Variants in MX2 observed in about 807,000 individuals in gnomAD.
The protein encoded by MX2 is interferon-induced GTP-binding protein Mx2.
A neutral mutation model predicts 74.0 loss-of-function variants in MX2; 51 were observed. That is an observed-to-expected ratio of 0.69 (90% CI 0.55 to 0.87). The LOEUF is 0.87. Among genes scored for constraint, MX2 ranks in the 40% least tolerant of loss-of-function variants. MX2 has a pLI of 0.00. For missense variants in MX2, 832 were observed against 908.7 expected (o/e 0.92, Z 1.09); for synonymous variants, 369 against 339.3 (o/e 1.09, Z -0.96).
chr21:41,377,797 G>A lies in MX2; in HGVS notation c.258G>A (p.Glu86=), dbSNP rs747626922. 4 of 1,609,852 alleles carry A rather than the reference G, an allele frequency of 2.5e-6. No homozygotes were observed. The African/African-American group carries it at 4.0e-5, about 16-fold the overall frequency. ...NRSQPRAMGP[E]NNLYSQYEQK... ...TGTTCTGCCTTCTCCAGGGGCCCGAGAACAACCTGTACAGCCAGTACGAGC... is the reference window on the plus strand; with the variant it reads ...TGTTCTGCCTTCTCCAGGGGCCCGAAAACAACCTGTACAGCCAGTACGAGC... The change falls in exon 3 of 14, where the codon GAG becomes GAA. Residue 86 remains glutamate (E), a synonymous_variant. Transcript: ENST00000330714.
intron 8 of MX2, 67 bp downstream of exon 8, chr21:41,397,758 G>A: frequency 7.0e-7 from 1 of 1,430,600 alleles, no homozygotes; most frequent in African/African-American, 1.4e-5. Context: ...TTGGTCTGGA[G>A]TTGGCTAAGA....
chr21:41,375,978 T>C (rs1022127417), intron 1 of MX2, among the ~76,000 whole-genome samples: 1 of 152,210 alleles, frequency 6.6e-6, no homozygotes. Flanking sequence ...AAGGGCCAAA[T>C]GCATAGGCTT....
At chr21:41,376,623 G>A (rs140918447) in intron 1 of MX2, among the ~76,000 whole-genome samples, 33 of 152,202 alleles carry the variant, frequency 2.2e-4, no homozygotes, top group Admixed American at 1.8e-3. Context: ...ACTGCCCCCC[G>A]TTCCCCAAGC....
chr21:41,380,064 T>C lies in MX2; in HGVS notation c.490T>C (p.Cys164Arg). Residue 164 changes from cysteine (C) to arginine (R), a missense_variant, in exon 4 of 14, where the codon TGT becomes CGT. Cys to Arg is a radical substitution (Grantham distance 180). Coordinates refer to ENST00000330714, the MANE Select transcript of MX2 (RefSeq NM_002463.2). The surrounding 1 kb of genome is among the most constrained non-coding windows in gnomAD (Gnocchi z 4.3). ...GGTGCTGAAACTGAAAAAGCAGCCC[T>C]GTGAGGCATGGGCCGGAAGGATCAG... ...PLVLKLKKQP[C>R]EAWAGRISYR... 1 of 1,614,004 alleles carries C rather than the reference T, an allele frequency of 6.2e-7. No homozygotes were observed. The highest frequency in any genetic ancestry group is 1.1e-5 in the South Asian group (1 of 91,080).
intron 1 of MX2, among the ~76,000 whole-genome samples, chr21:41,371,440 T>C (rs1401398515): frequency 6.6e-6 from 1 of 152,168 alleles, no homozygotes; most frequent in East Asian, 1.9e-4. Context: ...GTTTTTGCCT[T>C]GAGGTCTCTT....
rs779490701 is a variant in MX2, at chr21:41,399,253, A to T, written c.1330A>T (p.Arg444Trp). 2.5e-6 allele frequency: 4 copies of T among 1,613,918 alleles called. No individual in the cohort carries two copies. In the South Asian group the frequency reaches 4.4e-5, roughly 18 times the overall value. Residue 444 changes from arginine (R) to tryptophan (W), a missense_variant, in exon 10 of 14, where the codon AGG becomes TGG. Physicochemically the swap from Arg to Trp is moderately radical, Grantham distance 101. Transcript: ENST00000330714. The stretch of plus-strand genomic sequence containing the variant: ...GTTAGTAGAAGGAGAAGAAGTTGTA[A>T]GGGAGAATGAGACCCGTTTATACAA... ...EKLVEGEEVV[R>W]ENETRLYNKI...
chr21:41,406,146 G>T (rs1217668112), intron 12 of MX2, among the ~76,000 whole-genome samples: 1 of 152,070 alleles, frequency 6.6e-6, no homozygotes, highest in African/African-American at 2.4e-5. Flanking sequence ...GTGCCACCAC[G>T]CCCAGCTAAT....
At chr21:41,379,968 C>T in intron 3 of MX2, 49 bp from the exon 4 acceptor site, 1 of 1,605,476 alleles carries the variant, frequency 6.2e-7, no homozygotes, top group Non-Finnish European at 8.5e-7. Context: ...GGGCCCAGTG[C>T]CACTTCTTTA....
intron 5 of MX2, among the ~76,000 whole-genome samples, chr21:41,386,219 CAAAAAAAAAAAAAAAAAA>C (rs59005802): frequency 1.3e-4 from 4 of 31,998 alleles, no homozygotes; most frequent in Middle Eastern, 0.029. Flanking sequence ...TACTCCATCT[CAAAAAAAAAAAAAAAAAA>C]AAAAAAAAAA....
intron 1 of MX2, among the ~76,000 whole-genome samples, chr21:41,369,007 C>G (rs897684365): frequency 6.6e-6 from 1 of 152,182 alleles, no homozygotes; most frequent in East Asian, 1.9e-4. Context: ...TCCTGTACCC[C>G]CTGAGAAAGT....
At position 41,393,377 on chromosome 21, in the gene MX2, T is replaced by C. The variant is rs560863490; in HGVS notation, c.872-2210T>C. 3.3e-3 allele frequency among the ~76,000 whole-genome samples: 495 copies of C among 152,304 alleles called. 4 individuals carry two copies. Among genetic ancestry groups the C allele is most frequent in the Non-Finnish European group, 5.3e-3 (362 of 68,022 alleles). On this transcript the variant is annotated intron_variant, in intron 6 of 13. Coordinates refer to ENST00000330714, the MANE Select transcript of MX2 (RefSeq NM_002463.2). ...GCCCTCTTAAGACAGAGACTGCTCC[T>C]GTCGAGGTCACCCACACCCTCTGCA...
chr21:41,381,097 G>A (rs535527391), intron 4 of MX2, among the ~76,000 whole-genome samples: 10 of 152,164 alleles, frequency 6.6e-5, no homozygotes, highest in Non-Finnish European at 1.5e-4. Flanking sequence ...CTTTCTGGAG[G>A]AATCCCTTCC....
In MX2 at chr21:41,407,999, C is replaced by G; in HGVS notation, c.1914C>G (p.Ser638Arg). The change falls in exon 14 of 14, where the codon AGC (serine) becomes AGG (arginine). Residue 638 changes from serine to arginine, a missense_variant. Transcript: ENST00000330714. ...IHLNAYFLET[S>R]KRLANQIPFI... is the part of the protein sequence containing the mutation. ...CTTTCTCCCTCTTCCAGGAAACCAG[C>G]AAACGTCTCGCCAACCAGATCCCAT... 6.2e-7 allele frequency: 1 copy of G among 1,614,186 alleles called. No homozygotes were observed. The highest frequency in any genetic ancestry group is 8.5e-7 in the Non-Finnish European group (1 of 1,180,028).
At chr21:41,365,332 A>T (rs1475360087) in intron 1 of MX2, 6 of 152,194 alleles carry the variant, frequency 3.9e-5, no homozygotes, top group Non-Finnish European at 7.3e-5. Flanking sequence ...TCACTCGGGT[A>T]ATAAGCGTAG....
intron 13 of MX2, 148 bp downstream of exon 13, chr21:41,407,146 T>C: frequency 1.4e-6 from 1 of 728,770 alleles, no homozygotes; most frequent in Non-Finnish European, 2.1e-6. Context: ...AAACTACTTA[T>C]ATATTTTCTC....
intron 1 of MX2, 118 bp from the exon 2 acceptor site, chr21:41,376,718 C>G (rs901669312): frequency 2.5e-5 from 18 of 718,868 alleles, no homozygotes; most frequent in African/African-American, 2.3e-4. Flanking sequence ...CCCCTGGTCT[C>G]TGCATCTGTG....
At chr21:41,396,169 C>A (rs2089732009) in intron 7 of MX2, among the ~76,000 whole-genome samples, 2 of 152,178 alleles carry the variant, frequency 1.3e-5, no homozygotes, top group Non-Finnish European at 2.9e-5. Context: ...GAACACAGAG[C>A]ACCTAACTTC....
At chr21:41,362,950 G>T (rs1275570884) in intron 1 of MX2, among the ~76,000 whole-genome samples, 2 of 151,610 alleles carry the variant, frequency 1.3e-5, no homozygotes, top group African/African-American at 2.4e-5. Flanking sequence ...GTAGAGACAG[G>T]GGCTCTCTAT....
In MX2 at chr21:41,398,920, A is replaced by G; in HGVS notation, c.1173A>G (p.Gly391=). 1 of 1,613,634 alleles carries G rather than the reference A, an allele frequency of 6.2e-7. No homozygotes were observed. Among genetic ancestry groups the G allele is most frequent in the Non-Finnish European group, 8.5e-7 (1 of 1,179,604 alleles). The change falls in exon 9 of 14, where the codon GGA becomes GGG. Residue 391 remains glycine, a synonymous_variant. Coordinates refer to ENST00000330714, the MANE Select transcript of MX2 (RefSeq NM_002463.2). ...AGAAATCGCTCCCGTTGTTAGAAGG[A>G]CAAATAAGGGAGAGCCACCAGAAGG... The part of the protein sequence containing the change: ...HIQKSLPLLE[G]QIRESHQKAT...
Sources: gnomAD v4.1 joint callset for allele counts (sites outside exome capture counted in the v4.1 genomes callset) on GRCh38, gnomAD v4.1.1 for gene constraint, Gnocchi (gnomAD v3.1) non-coding constraint, MANE v1.5 for transcripts, NCBI Gene and HGNC (gene_info 2026-07-23, HGNC 2026-07-21) for gene names.